The following LINGO2 variants were observed in gnomAD, a reference collection of about 807,000 sequenced individuals.
LINGO2 encodes leucine-rich repeat and immunoglobulin-like domain-containing nogo receptor-interacting protein 2.
LINGO2 carries 14 observed loss-of-function variants against 30.6 expected under a neutral mutation model. The ratio of observed to expected loss-of-function variants is 0.46; its 90% CI spans 0.30 to 0.72. The LOEUF (loss-of-function observed/expected upper bound fraction) is 0.72, where lower values mean the gene tolerates loss of function less well. LINGO2 is among the 30% of genes least tolerant of loss of function. The pLI is 0.07. For synonymous variants in LINGO2, 317 were observed against 288.5 expected (o/e 1.10, Z -1.00); for missense variants, 729 against 751.7 (o/e 0.97, Z 0.35).
At chr9:29,162,559 A>G in the LINGO2 span, among the ~76,000 whole-genome samples, 1 of 152,206 alleles carries the variant, frequency 6.6e-6, no homozygotes, top group Non-Finnish European at 1.5e-5. Context: ...ATGAATAAAT[A>G]TAAGAATGAA....
chr9:28,354,124 C>T (rs1358799401), intron 3 of LINGO2, among the ~76,000 whole-genome samples: 1 of 151,772 alleles, frequency 6.6e-6, no homozygotes, highest in African/African-American at 2.4e-5. Flanking sequence ...GCACAATGTG[C>T]ACATGTACCC....
intron 4 of LINGO2, among the ~76,000 whole-genome samples, chr9:28,097,380 G>A (rs1826275704): frequency 6.7e-6 from 1 of 149,642 alleles, no homozygotes; most frequent in Non-Finnish European, 1.5e-5. Flanking sequence ...AAAGACACAT[G>A]CACACGTATG....
intron 1 of LINGO2, among the ~76,000 whole-genome samples, chr9:28,562,698 T>A (rs1296841792): frequency 6.6e-6 from 1 of 152,054 alleles, no homozygotes; most frequent in East Asian, 1.9e-4. Context: ...TTGAAATACC[T>A]CACTCTCCCA....
intron 1 of LINGO2, among the ~76,000 whole-genome samples, chr9:28,512,093 T>C (rs1820409694): frequency 1.3e-5 from 2 of 152,106 alleles, no homozygotes; most frequent in Admixed American, 1.3e-4. Flanking sequence ...AACTTACTTG[T>C]GCCTTCAGGA....
intron 4 of LINGO2, among the ~76,000 whole-genome samples, chr9:28,239,935 G>T (rs10968406): frequency 0.032 from 4,924 of 152,202 alleles, 256 homozygotes; most frequent in African/African-American, 0.11. Flanking sequence ...ATTCAGTAAA[G>T]TTGCAGGATA....
intron 5 of LINGO2, among the ~76,000 whole-genome samples, chr9:27,963,850 C>G (rs1383829956): frequency 1.3e-5 from 2 of 151,688 alleles, no homozygotes; most frequent in Non-Finnish European, 2.9e-5. Context: ...TCCTGGACTC[C>G]ATGAAATCAG....
the LINGO2 span, among the ~76,000 whole-genome samples, chr9:29,028,437 A>AGG: frequency 6.7e-6 from 1 of 148,450 alleles, no homozygotes; most frequent in Admixed American, 6.7e-5. Context: ...GGTGAGAGAG[A>AGG]GAGAGAGAGA....
chr9:28,463,296 T>C (rs1345160774), intron 2 of LINGO2, among the ~76,000 whole-genome samples: 1 of 152,070 alleles, frequency 6.6e-6, no homozygotes, highest in Non-Finnish European at 1.5e-5. Context: ...CAAATCTCTT[T>C]TGTCTGATGC....
chr9:28,519,402 A>T (rs1412095438), intron 1 of LINGO2, among the ~76,000 whole-genome samples: 2 of 152,168 alleles, frequency 1.3e-5, no homozygotes, highest in Non-Finnish European at 2.9e-5. Flanking sequence ...GGTAAATAGT[A>T]AGAGCTAGTA....
chr9:28,040,260 C>T (rs930808396), intron 4 of LINGO2, among the ~76,000 whole-genome samples: 17 of 152,068 alleles, frequency 1.1e-4, no homozygotes, highest in African/African-American at 4.1e-4. Context: ...AGGCAAATTA[C>T]TAATAGTTTA....
chr9:28,949,764 G>C, the LINGO2 span, among the ~76,000 whole-genome samples: 4 of 152,098 alleles, frequency 2.6e-5, no homozygotes, highest in Admixed American at 1.3e-4. Flanking sequence ...ATTTTATGAG[G>C]CTAGCATCAT....
chr9:28,908,943 T>G, the LINGO2 span, among the ~76,000 whole-genome samples: 184 of 152,056 alleles, frequency 1.2e-3, 1 homozygote, highest in African/African-American at 3.8e-3. Context: ...GTTTTATTCT[T>G]CACTGTCTTC....
intron 4 of LINGO2, among the ~76,000 whole-genome samples, chr9:28,046,115 C>T (rs539852593): frequency 5.8e-4 from 88 of 152,296 alleles, no homozygotes; most frequent in Non-Finnish European, 1.0e-3. Flanking sequence ...TCATAGTTCA[C>T]ATTATGAAGC....
the LINGO2 span, among the ~76,000 whole-genome samples, chr9:29,150,284 A>C: frequency 6.6e-6 from 1 of 152,232 alleles, no homozygotes; most frequent in Non-Finnish European, 1.5e-5. Context: ...AATATATTCC[A>C]TTTATACCAC....
At chr9:28,380,830 T>C (rs1265222903) in intron 2 of LINGO2, among the ~76,000 whole-genome samples, 2 of 151,948 alleles carry the variant, frequency 1.3e-5, no homozygotes, top group African/African-American at 4.8e-5. Flanking sequence ...ACACTAAGAA[T>C]TGGATGGGAA....
At chr9:28,679,238 T>C in the LINGO2 span, among the ~76,000 whole-genome samples, 2 of 152,128 alleles carry the variant, frequency 1.3e-5, no homozygotes, top group South Asian at 2.1e-4. Flanking sequence ...ATTTCTAAGT[T>C]TTAAAGAAAT....
chr9:28,161,116 G>T (rs898097354), intron 4 of LINGO2, among the ~76,000 whole-genome samples: 6 of 152,162 alleles, frequency 3.9e-5, no homozygotes, highest in Non-Finnish European at 5.9e-5. Flanking sequence ...AGAATAATAT[G>T]AACACATACT....
At chr9:28,431,564 G>A (rs1478930025) in intron 2 of LINGO2, among the ~76,000 whole-genome samples, 1 of 152,082 alleles carries the variant, frequency 6.6e-6, no homozygotes, top group African/African-American at 2.4e-5. Flanking sequence ...CTTGATTATG[G>A]CATTGACAGA....
At chr9:28,568,798 T>C (rs763994550) in intron 1 of LINGO2, among the ~76,000 whole-genome samples, 22 of 152,146 alleles carry the variant, frequency 1.4e-4, no homozygotes, top group Admixed American at 3.9e-4. Flanking sequence ...ATAAACTAAA[T>C]TTGAACGAGT....
Sources: gnomAD v4.1 joint callset for allele counts (sites outside exome capture counted in the v4.1 genomes callset) on GRCh38, gnomAD v4.1.1 for gene constraint, MANE v1.5 for transcripts, NCBI Gene and HGNC (gene_info 2026-07-23, HGNC 2026-07-21) for gene names.